PTPRT: variants seen among roughly 807,000 people sequenced by gnomAD.
PTPRT encodes receptor-type tyrosine-protein phosphatase T.
Under a neutral mutation model 176.8 loss-of-function variants are expected in PTPRT, and 56 were observed. The ratio of observed to expected loss-of-function variants is 0.32; its 90% CI spans 0.26 to 0.40. The LOEUF (loss-of-function observed/expected upper bound fraction) is 0.40, where lower values mean the gene tolerates loss of function less well. PTPRT is among the 10% of genes least tolerant of loss of function. PTPRT has a pLI of 1.00. For synonymous variants in PTPRT, 783 were observed against 739.0 expected, an observed-to-expected ratio of 1.06 and a Z score of -0.96; for missense variants, 1,540 against 1,908.2, an observed-to-expected ratio of 0.81 and a Z score of 3.60.
chr20:42,115,361 GATGC>G (rs1330881280), intron 21 of PTPRT, 46 bp from the exon 22 acceptor site: 6 of 1,411,490 alleles, frequency 4.3e-6, no homozygotes, highest in Non-Finnish European at 4.0e-6. Flanking sequence ...CAGAGACAAG[GATGC>G]ATAAGCACAT....
intron 9 of PTPRT, among the ~76,000 whole-genome samples, chr20:42,442,653 A>C (rs2059326898): frequency 6.6e-6 from 1 of 152,202 alleles, no homozygotes; most frequent in Admixed American, 6.5e-5. Flanking sequence ...ATATTTTCAC[A>C]CTTCGTTAAC....
intron 13 of PTPRT, among the ~76,000 whole-genome samples, chr20:42,259,652 G>C (rs949073091): frequency 6.6e-6 from 1 of 152,204 alleles, no homozygotes; most frequent in East Asian, 1.9e-4. Flanking sequence ...TTGTAGACTG[G>C]GTTAGGTTTC....
At chr20:42,497,724 A>T (rs906364327) in intron 7 of PTPRT, among the ~76,000 whole-genome samples, 3 of 152,102 alleles carry the variant, frequency 2.0e-5, no homozygotes, top group African/African-American at 7.2e-5. Context: ...TACTCCAATG[A>T]TATTAGAGTC....
intron 11 of PTPRT, among the ~76,000 whole-genome samples, chr20:42,345,524 CAT>C (rs1341070994): frequency 8.2e-5 from 12 of 146,280 alleles, no homozygotes; most frequent in Admixed American, 2.7e-4. Context: ...TATAGATATA[CAT>C]ATATATATAA....
chr20:42,293,135 G>A (rs1411055400), intron 12 of PTPRT, among the ~76,000 whole-genome samples: 4 of 152,174 alleles, frequency 2.6e-5, no homozygotes, highest in African/African-American at 9.6e-5. Context: ...CTCTAAGAAA[G>A]GAAGCCCCCA....
chr20:42,748,077 T>A (rs910901349), intron 6 of PTPRT, among the ~76,000 whole-genome samples: 2 of 151,562 alleles, frequency 1.3e-5, no homozygotes, highest in Non-Finnish European at 2.9e-5. Context: ...TATTGGCACA[T>A]AACCCATGCT....
chr20:43,041,953 C>A (rs1986623912), intron 1 of PTPRT, among the ~76,000 whole-genome samples: 1 of 152,212 alleles, frequency 6.6e-6, no homozygotes, highest in South Asian at 2.1e-4. Flanking sequence ...ATGGTTGTCA[C>A]TCAAATCGAA....
intron 7 of PTPRT, among the ~76,000 whole-genome samples, chr20:42,526,480 A>G (rs1314614088): frequency 6.6e-6 from 1 of 152,156 alleles, no homozygotes; most frequent in African/African-American, 2.4e-5. Flanking sequence ...TAATGGAAGC[A>G]AGATCATACT....
At chr20:42,046,568 C>T in the PTPRT span, among the ~76,000 whole-genome samples, 1 of 152,300 alleles carries the variant, frequency 6.6e-6, no homozygotes, top group African/African-American at 2.4e-5. Flanking sequence ...AGACGTGAGA[C>T]CATGTTTATA....
intron 9 of PTPRT, among the ~76,000 whole-genome samples, chr20:42,388,024 T>G (rs1038739599): frequency 6.6e-6 from 1 of 152,102 alleles, no homozygotes; most frequent in Non-Finnish European, 1.5e-5. Flanking sequence ...ACTCCTGACC[T>G]CGTGATCCCC....
At chr20:42,806,301 T>G (rs1402698363) in intron 2 of PTPRT, among the ~76,000 whole-genome samples, 1 of 152,036 alleles carries the variant, frequency 6.6e-6, no homozygotes, top group Non-Finnish European at 1.5e-5. Flanking sequence ...CTGGCCAACG[T>G]GGTGAAACCC....
At chr20:42,851,439 A>C (rs2078468099) in intron 2 of PTPRT, among the ~76,000 whole-genome samples, 1 of 152,124 alleles carries the variant, frequency 6.6e-6, no homozygotes. Flanking sequence ...CTCCCTTTCC[A>C]ATCCAATTCT....
intron 1 of PTPRT, among the ~76,000 whole-genome samples, chr20:42,993,775 A>G (rs1984080241): frequency 6.6e-6 from 1 of 151,954 alleles, no homozygotes; most frequent in Non-Finnish European, 1.5e-5. Context: ...ACTCACCAAC[A>G]TTAGCCTAAA....
chr20:42,821,940 C>T (rs771966931), intron 2 of PTPRT, among the ~76,000 whole-genome samples: 6 of 152,094 alleles, frequency 3.9e-5, no homozygotes, highest in Non-Finnish European at 8.8e-5. Context: ...ACATTCCATC[C>T]TCATGGATAG....
intron 11 of PTPRT, among the ~76,000 whole-genome samples, chr20:42,331,639 T>C (rs1191714064): frequency 1.3e-5 from 2 of 152,140 alleles, no homozygotes; most frequent in East Asian, 1.9e-4. Flanking sequence ...CTGTTGAGGA[T>C]TGCAGAAGTG....
chr20:43,032,036 A>G (rs1321855899), intron 1 of PTPRT, among the ~76,000 whole-genome samples: 4 of 152,210 alleles, frequency 2.6e-5, no homozygotes, highest in Admixed American at 1.3e-4. Context: ...GCCAGAAATC[A>G]TCACAGGCAC....
At chr20:42,771,974 C>T (rs992199272) in intron 4 of PTPRT, among the ~76,000 whole-genome samples, 6 of 152,116 alleles carry the variant, frequency 3.9e-5, no homozygotes, top group South Asian at 2.1e-4. Flanking sequence ...GGTGAAACTA[C>T]GACACTGAAA....
intron 2 of PTPRT, among the ~76,000 whole-genome samples, chr20:42,810,778 C>A (rs2145618305): frequency 6.6e-6 from 1 of 152,328 alleles, no homozygotes. Context: ...AGATCACTTC[C>A]ACATGGTGGA....
chr20:43,008,611 C>T (rs528687701), intron 1 of PTPRT, among the ~76,000 whole-genome samples: 1 of 152,076 alleles, frequency 6.6e-6, no homozygotes, highest in African/African-American at 2.4e-5. Flanking sequence ...GCATCACTTG[C>T]ATCCGGGAGA....
Sources: gnomAD v4.1 joint callset for allele counts (sites outside exome capture counted in the v4.1 genomes callset) on GRCh38, gnomAD v4.1.1 for gene constraint, MANE v1.5 for transcripts, NCBI Gene and HGNC (gene_info 2026-07-23, HGNC 2026-07-21) for gene names.